DAG1: variants seen among roughly 807,000 people sequenced by gnomAD.
DAG1 encodes the protein dystroglycan 1.
DAG1 carries 8 observed loss-of-function variants against 46.1 expected under a neutral mutation model. The ratio of observed to expected loss-of-function variants is 0.17; its 90% CI spans 0.10 to 0.31. The LOEUF is 0.31. Among genes scored for constraint, DAG1 ranks in the 10% least tolerant of loss-of-function variants. The probability of loss-of-function intolerance (pLI) is 1.00; values close to 1 mark genes in which losing one functional copy is unlikely to be tolerated. For synonymous variants in DAG1, 495 were observed against 481.8 expected (o/e 1.03, Z -0.36); for missense variants, 1,003 against 1,189.9 (o/e 0.84, Z 2.31).
At chr3:49,497,903 A>C (rs1176591529) in intron 1 of DAG1, among the ~76,000 whole-genome samples, 1 of 152,152 alleles carries the variant, frequency 6.6e-6, no homozygotes, top group Middle Eastern at 3.2e-3. Context: ...GGGTGGATTT[A>C]TACCTAGGTT....
chr3:49,478,842 C>G (rs1299352142), intron 1 of DAG1, among the ~76,000 whole-genome samples: 4 of 81,302 alleles, frequency 4.9e-5, no homozygotes, highest in South Asian at 3.7e-4. Context: ...GATACAGAAT[C>G]TTGCACTGTT....
intron 1 of DAG1, among the ~76,000 whole-genome samples, chr3:49,508,668 A>G (rs1393626643): frequency 6.6e-6 from 1 of 151,368 alleles, no homozygotes; most frequent in South Asian, 2.1e-4. Context: ...CCAAAGTGCT[A>G]GGGTTACAGG....
At chr3:49,509,743 T>C (rs2050710098) in intron 1 of DAG1, among the ~76,000 whole-genome samples, 1 of 152,122 alleles carries the variant, frequency 6.6e-6, no homozygotes, top group Admixed American at 6.6e-5. Flanking sequence ...TATTGTTTTT[T>C]TTTGAGGTCG....
Position 49,510,741 on chromosome 3 carries a change from T to A in DAG1, c.207T>A (p.Asp69Glu). The A allele has an allele frequency of 2.5e-6, 4 of 1,614,202 alleles. No homozygotes were observed. The highest frequency in any genetic ancestry group is 4.5e-5 in the East Asian group (2 of 44,886). Residue 69 changes from aspartate to glutamate, a missense_variant, in exon 2 of 3, where the codon GAT becomes GAA. Asp to Glu is a conservative substitution (Grantham distance 45, BLOSUM62 2). This residue lies in a region of DAG1 where 196 missense variants were observed against 239.1 expected (regional missense o/e 0.82). Transcript: ENST00000308775. Reference protein sequence around the residue: ...EAVPTVVGIPDGTAVVGRSFR... With the variant: ...EAVPTVVGIPEGTAVVGRSFR... ...TTCCCACAGTGGTTGGCATTCCTGATGGCACGGCTGTCGTCGGGCGCTCAT... is the reference window on the plus strand; with the variant it reads ...TTCCCACAGTGGTTGGCATTCCTGAAGGCACGGCTGTCGTCGGGCGCTCAT...
intron 1 of DAG1, chr3:49,487,423 G>A (rs979194730): frequency 1.3e-5 from 2 of 152,166 alleles, no homozygotes; most frequent in African/African-American, 4.8e-5. Flanking sequence ...TTGGTAATAT[G>A]AATTTAGAAA....
At chr3:49,520,507 C>T (rs1271974887) in intron 2 of DAG1, among the ~76,000 whole-genome samples, 1 of 152,164 alleles carries the variant, frequency 6.6e-6, no homozygotes, top group Non-Finnish European at 1.5e-5. Flanking sequence ...GCTGAAAGGT[C>T]GGGAATTGAT....
At chr3:49,529,127 AG>A (rs1482465028) in intron 2 of DAG1, among the ~76,000 whole-genome samples, 2 of 152,320 alleles carry the variant, frequency 1.3e-5, no homozygotes, top group Admixed American at 6.5e-5. Context: ...CTGGGATTAC[AG>A]GGGTGAGCCA....
chr3:49,498,398 C>T (rs1352781763), intron 1 of DAG1, among the ~76,000 whole-genome samples: 2 of 151,974 alleles, frequency 1.3e-5, no homozygotes, highest in Non-Finnish European at 2.9e-5. Context: ...GAGACATTTG[C>T]CATTTTTTTT....
intron 1 of DAG1, among the ~76,000 whole-genome samples, chr3:49,473,973 A>G (rs2049603591): frequency 6.8e-6 from 1 of 147,820 alleles, no homozygotes; most frequent in Non-Finnish European, 1.5e-5. Flanking sequence ...AGCCTCGACC[A>G]GCCTCCCTGG....
At chr3:49,497,400 G>A (rs897706939) in intron 1 of DAG1, among the ~76,000 whole-genome samples, 1 of 146,780 alleles carries the variant, frequency 6.8e-6, no homozygotes, top group Admixed American at 6.9e-5. Context: ...TTGTGCTGAT[G>A]CACTCCAGCC....
chr3:49,532,023 C>T lies in DAG1; in HGVS notation c.1512C>T (p.Asp504=). ...GCCCAGAGCTCAAGAACCATATTGA[C>T]AGGGTAGATGCCTGGGTTGGCACCT... ...NQRPELKNHI[D]RVDAWVGTYF... is the part of the protein sequence containing the mutation. Residue 504 remains aspartate (D), a synonymous_variant, in exon 3 of 3, where the codon GAC becomes GAT. Coordinates refer to ENST00000308775, the MANE Select transcript of DAG1 (RefSeq NM_004393.6). This position sits in a 1 kb window ranked among gnomAD's most constrained non-coding sequence, Gnocchi z 5.4. 3.1e-6 allele frequency: 5 copies of T among 1,614,226 alleles called. No homozygotes were observed. Among genetic ancestry groups the T allele is most frequent in the Non-Finnish European group, 4.2e-6 (5 of 1,180,050 alleles).
chr3:49,474,713 G>GC, intron 1 of DAG1, among the ~76,000 whole-genome samples: 1 of 152,092 alleles, frequency 6.6e-6, no homozygotes, highest in Middle Eastern at 3.4e-3. Context: ...GAACTTTTGA[G>GC]CTCAAGCAAT....
At chr3:49,490,675 T>G (rs894434570) in intron 1 of DAG1, among the ~76,000 whole-genome samples, 4 of 151,862 alleles carry the variant, frequency 2.6e-5, no homozygotes, top group Non-Finnish European at 5.9e-5. Context: ...GCTTGAGCGA[T>G]CTTCCTGCCT....
In DAG1 at chr3:49,513,599, C is replaced by A. The variant is rs558446193; in HGVS notation, c.285+2780C>A. Reference sequence around the variant, plus strand: ...CTTCAGCCTGCTCCCTTCTTGTGTTCGCCTCCTTTTCCCTGTTGGTCACCT... The same window carrying A: ...CTTCAGCCTGCTCCCTTCTTGTGTTAGCCTCCTTTTCCCTGTTGGTCACCT... On this transcript the variant is annotated intron_variant, in intron 2 of 2. Coordinates refer to ENST00000308775, the MANE Select transcript of DAG1 (RefSeq NM_004393.6). Among the ~76,000 whole-genome samples, 5 of 152,230 alleles carry A rather than the reference C, an allele frequency of 3.3e-5. No individual in the cohort carries two copies. The South Asian group carries it at 1.0e-3, about 32-fold the overall frequency.
At chr3:49,508,401 T>C (rs920770413) in intron 1 of DAG1, among the ~76,000 whole-genome samples, 3 of 151,596 alleles carry the variant, frequency 2.0e-5, no homozygotes, top group Non-Finnish European at 4.4e-5. Flanking sequence ...TGTATATGTA[T>C]GTATGTGTTG....
At chr3:49,513,676 A>G (rs997694038) in intron 2 of DAG1, among the ~76,000 whole-genome samples, 8 of 152,036 alleles carry the variant, frequency 5.3e-5, no homozygotes, top group African/African-American at 1.9e-4. Context: ...CTCTGGGGCA[A>G]CCGTATTTCT....
chr3:49,508,898 A>G (rs1437874048), intron 1 of DAG1, among the ~76,000 whole-genome samples: 1 of 152,302 alleles, frequency 6.6e-6, no homozygotes, highest in African/African-American at 2.4e-5. Context: ...CTATATATAC[A>G]TGTATACATT....
chr3:49,502,448 G>T (rs991588171), intron 1 of DAG1, among the ~76,000 whole-genome samples: 15 of 152,132 alleles, frequency 9.9e-5, no homozygotes, highest in African/African-American at 3.4e-4. Context: ...TCTACTGATG[G>T]CAGGGAGGGA....
At chr3:49,481,194 C>T (rs2049871437) in intron 1 of DAG1, among the ~76,000 whole-genome samples, 1 of 147,798 alleles carries the variant, frequency 6.8e-6, no homozygotes, top group Non-Finnish European at 1.5e-5. Flanking sequence ...TGGAGACCGT[C>T]CTGGCTAACA....
Sources: gnomAD v4.1 joint callset for allele counts (sites outside exome capture counted in the v4.1 genomes callset) on GRCh38, gnomAD v4.1.1 for gene constraint, gnomAD v4.1.1 regional missense constraint, Gnocchi (gnomAD v3.1) non-coding constraint, MANE v1.5 for transcripts, NCBI Gene and HGNC (gene_info 2026-07-23, HGNC 2026-07-21) for gene names.